SV2C: variants seen among roughly 807,000 people sequenced by gnomAD.
SV2C encodes synaptic vesicle glycoprotein 2C.
In SV2C, 49 loss-of-function variants were observed where a neutral mutation model predicts 79.7. The observed-to-expected ratio is 0.61, with a 90% CI of 0.49 to 0.78. The LOEUF is 0.78. Among genes scored for constraint, SV2C ranks in the 30% least tolerant of loss-of-function variants. The pLI is 0.00. For missense variants in SV2C, 833 were observed against 912.9 expected (o/e 0.91, Z 1.13); for synonymous variants, 334 against 333.2 (o/e 1.00, Z -0.03).
At chr5:76,348,022 G>A (rs1257069127) in intron 12 of SV2C, among the ~76,000 whole-genome samples, 1 of 152,122 alleles carries the variant, frequency 6.6e-6, no homozygotes, top group Non-Finnish European at 1.5e-5. Flanking sequence ...CACCATTATA[G>A]AATCATACAG....
chr5:76,198,940 T>C (rs6893889), intron 3 of SV2C, among the ~76,000 whole-genome samples: 78,614 of 151,986 alleles, frequency 0.52, 21,194 homozygotes, highest in African/African-American at 0.66. Flanking sequence ...CTCTTCCAGT[T>C]CCCACCTTCC....
intron 4 of SV2C, among the ~76,000 whole-genome samples, chr5:76,271,195 CTA>C (rs1454262039): frequency 1.3e-5 from 2 of 152,202 alleles, no homozygotes; most frequent in African/African-American, 4.8e-5. Flanking sequence ...CCATGATTTT[CTA>C]TGTTTCTTCC....
intron 4 of SV2C, among the ~76,000 whole-genome samples, chr5:76,213,161 A>G (rs1417991566): frequency 6.6e-6 from 1 of 152,222 alleles, no homozygotes; most frequent in Non-Finnish European, 1.5e-5. Context: ...AAGGCTTTCC[A>G]TGGCCAGAAG....
At chr5:75,858,542 A>G in the SV2C span, among the ~76,000 whole-genome samples, 6 of 152,342 alleles carry the variant, frequency 3.9e-5, no homozygotes, top group South Asian at 1.0e-3. Context: ...AAAGTTCTTC[A>G]GGGACATTGG....
the SV2C span, among the ~76,000 whole-genome samples, chr5:76,002,203 T>C: frequency 6.6e-6 from 1 of 152,098 alleles, no homozygotes; most frequent in Non-Finnish European, 1.5e-5. Context: ...ATTTTCTTTA[T>C]GCATTCGTTG....
the SV2C span, among the ~76,000 whole-genome samples, chr5:76,071,345 T>C: frequency 1.6e-4 from 24 of 152,304 alleles, no homozygotes; most frequent in African/African-American, 5.8e-4. Flanking sequence ...AGTTCTGAGC[T>C]GCCGATGCAT....
chr5:76,196,298 T>C (rs1744269945), intron 3 of SV2C, among the ~76,000 whole-genome samples: 1 of 152,192 alleles, frequency 6.6e-6, no homozygotes, highest in South Asian at 2.1e-4. Context: ...TGCATTTCAG[T>C]AAACCAAGAT....
chr5:76,308,628 C>A (rs1040763900), intron 12 of SV2C, among the ~76,000 whole-genome samples: 1 of 152,116 alleles, frequency 6.6e-6, no homozygotes, highest in African/African-American at 2.4e-5. Context: ...TTTTCTTTTT[C>A]TGTGCCTATT....
rs1252779876 is a variant in SV2C at position 76,330,151 on chromosome 5, G to A, written c.*4604G>A. On this transcript the variant is annotated 3_prime_UTR_variant, in exon 13 of 13. Coordinates refer to ENST00000502798, the MANE Select transcript of SV2C (RefSeq NM_014979.4). ...GGTATGGCGTAACAGTTCTCCGTGT[G>A]ATGTTCTTTTGCTCTAAATGTTGAC... 1 of 151,916 alleles carries A rather than the reference G, an allele frequency of 6.6e-6. No homozygotes were observed. Among genetic ancestry groups the A allele is most frequent in the Non-Finnish European group, 1.5e-5 (1 of 68,010 alleles). 9.4% of individuals were successfully genotyped at this position (151,916 alleles called of 1,614,324 possible). A position where few individuals can be genotyped will look rare whatever the true frequency, so the allele number is the denominator to read the frequency against.
At chr5:75,882,209 A>G in the SV2C span, among the ~76,000 whole-genome samples, 2 of 151,634 alleles carry the variant, frequency 1.3e-5, no homozygotes, top group Admixed American at 1.3e-4. Context: ...CCAGTATTTT[A>G]TTGAGGATTT....
At chr5:76,135,583 G>T (rs933123989) in intron 2 of SV2C, among the ~76,000 whole-genome samples, 2 of 152,156 alleles carry the variant, frequency 1.3e-5, no homozygotes, top group African/African-American at 4.8e-5. Flanking sequence ...AAGAGTTATT[G>T]GCTGCTGCAG....
chr5:75,922,398 A>C, the SV2C span, among the ~76,000 whole-genome samples: 7 of 152,048 alleles, frequency 4.6e-5, no homozygotes, highest in African/African-American at 9.7e-5. Context: ...TTAAATAAAA[A>C]AATTGAATTT....
the SV2C span, among the ~76,000 whole-genome samples, chr5:75,962,289 C>T: frequency 6.6e-6 from 1 of 151,966 alleles, no homozygotes; most frequent in Non-Finnish European, 1.5e-5. Context: ...AGCACAGGAC[C>T]CAGGGTAAGG....
chr5:76,241,626 T>A (rs1745788304), intron 4 of SV2C, among the ~76,000 whole-genome samples: 1 of 151,404 alleles, frequency 6.6e-6, no homozygotes, highest in Non-Finnish European at 1.5e-5. Context: ...CCAACAGATG[T>A]CTGGGCTTAA....
chr5:76,168,933 C>T (rs1246752800), intron 2 of SV2C, among the ~76,000 whole-genome samples: 1 of 152,166 alleles, frequency 6.6e-6, no homozygotes, highest in Admixed American at 6.5e-5. Flanking sequence ...CTGGGGATCT[C>T]ATTTTGTGCT....
the SV2C span, among the ~76,000 whole-genome samples, chr5:76,062,371 A>G: frequency 1.3e-5 from 2 of 152,116 alleles, no homozygotes; most frequent in Admixed American, 1.3e-4. Flanking sequence ...ATCTTCTGCC[A>G]TGAGACAGAC....
chr5:76,118,089 T>G (rs1431654614), intron 1 of SV2C, among the ~76,000 whole-genome samples: 2 of 152,174 alleles, frequency 1.3e-5, no homozygotes, highest in African/African-American at 2.4e-5. Flanking sequence ...ATATAGAAAT[T>G]TATTCTCTGT....
Position 76,349,029 on chromosome 5 carries a change from GC to G in SV2C, c.2001-4099del, listed in dbSNP as rs571364020. Reference sequence around the variant, plus strand: ...AGAGAAAAAGAACATGGATGCTAGAGCCAAATTTCCTGGGTCCATTTCCATA... The same window carrying G: ...AGAGAAAAAGAACATGGATGCTAGAGCAAATTTCCTGGGTCCATTTCCATA... On this transcript the variant is annotated intron_variant, in intron 12 of 12. Coordinates refer to the SV2C transcript ENST00000322285. Among the ~76,000 whole-genome samples the G allele has an allele frequency of 2.9e-4, 44 of 151,864 alleles. 2 individuals carry two copies. In the South Asian group the frequency reaches 5.8e-3, roughly 20 times the overall value.
At chr5:75,890,578 T>C in the SV2C span, among the ~76,000 whole-genome samples, 3 of 152,110 alleles carry the variant, frequency 2.0e-5, no homozygotes, top group Non-Finnish European at 2.9e-5. Flanking sequence ...CCCAGATAGA[T>C]GCCACCAGGT....
Sources: allele counts gnomAD v4.1 joint callset (sites outside exome capture counted in the v4.1 genomes callset), GRCh38; gene constraint gnomAD v4.1.1; transcripts MANE v1.5; gene names NCBI Gene and HGNC (gene_info 2026-07-23, HGNC 2026-07-21).